The following DOCK3 variants were observed in gnomAD, a reference collection of about 807,000 sequenced individuals.
DOCK3 encodes the protein dedicator of cytokinesis protein 3.
Under a neutral mutation model 265.6 loss-of-function variants are expected in DOCK3, and 60 were observed. The observed-to-expected ratio is 0.23, with a 90% CI of 0.18 to 0.28. DOCK3 has a LOEUF of 0.28. Among genes scored for constraint, DOCK3 ranks in the 10% least tolerant of loss-of-function variants. DOCK3 has a pLI of 1.00. For synonymous variants in DOCK3, 881 were observed against 938.0 expected (o/e 0.94, Z 1.11); for missense variants, 1,981 against 2,594.3 (o/e 0.76, Z 5.14).
At chr3:50,938,650 A>T (rs571294328) in intron 5 of DOCK3, among the ~76,000 whole-genome samples, 5 of 152,194 alleles carry the variant, frequency 3.3e-5, no homozygotes, top group African/African-American at 1.2e-4. Context: ...ACCCACTACT[A>T]AATGATCTGT....
chr3:51,192,143 C>A (rs765680541), intron 12 of DOCK3, among the ~76,000 whole-genome samples: 1 of 151,322 alleles, frequency 6.6e-6, no homozygotes, highest in Admixed American at 6.6e-5. Context: ...AGATCTTAAA[C>A]TTTTTGCCTA....
chr3:50,973,512 C>T (rs2077324545), intron 5 of DOCK3, among the ~76,000 whole-genome samples: 2 of 142,300 alleles, frequency 1.4e-5, no homozygotes, highest in Admixed American at 1.5e-4. Flanking sequence ...TGTATATGTG[C>T]CACATTTTCT....
chr3:50,847,116 A>G (rs568746258), intron 3 of DOCK3, among the ~76,000 whole-genome samples: 1 of 152,118 alleles, frequency 6.6e-6, no homozygotes, highest in Non-Finnish European at 1.5e-5. Context: ...GTTTAGCATT[A>G]TAAACTTGCC....
chr3:50,856,782 T>C (rs1159622875), intron 3 of DOCK3, among the ~76,000 whole-genome samples: 1 of 152,144 alleles, frequency 6.6e-6, no homozygotes, highest in Non-Finnish European at 1.5e-5. Flanking sequence ...GGAGGCATGC[T>C]TTCAACTTTT....
chr3:51,027,181 G>C (rs1036379144), intron 5 of DOCK3, among the ~76,000 whole-genome samples: 10 of 151,602 alleles, frequency 6.6e-5, no homozygotes, highest in African/African-American at 2.2e-4. Flanking sequence ...ATTTTTTTTT[G>C]TTTCTGCCTA....
chr3:51,322,941 T>C (rs1263969895), intron 32 of DOCK3, among the ~76,000 whole-genome samples: 2 of 43,626 alleles, frequency 4.6e-5, no homozygotes, highest in African/African-American at 1.8e-4. Context: ...AGGCTCAAAA[T>C]AGAGGCATGC....
intron 23 of DOCK3, among the ~76,000 whole-genome samples, chr3:51,261,269 CAGA>C (rs2079834346): frequency 6.6e-6 from 1 of 152,008 alleles, no homozygotes; most frequent in East Asian, 2.0e-4. Context: ...GGAGGGCAAG[CAGA>C]AGGAGGGTGG....
At chr3:50,858,624 G>T (rs1041238156) in intron 3 of DOCK3, among the ~76,000 whole-genome samples, 1 of 151,944 alleles carries the variant, frequency 6.6e-6, no homozygotes, top group Non-Finnish European at 1.5e-5. Flanking sequence ...ACAGTTATGT[G>T]TCTTGGGGAT....
intron 43 of DOCK3, 125 bp from the exon 44 acceptor site, chr3:51,356,837 G>T: frequency 8.8e-7 from 1 of 1,137,482 alleles, no homozygotes; most frequent in Non-Finnish European, 1.2e-6. Flanking sequence ...AGGGTCCAGG[G>T]AGTCTCAAGT....
At chr3:51,127,928 TC>T (rs1158963440) in intron 9 of DOCK3, among the ~76,000 whole-genome samples, 2 of 152,216 alleles carry the variant, frequency 1.3e-5, no homozygotes, top group Non-Finnish European at 1.5e-5. Flanking sequence ...TCTCCTGTAT[TC>T]CATGCTTACT....
At chr3:51,010,373 T>G (rs2078894240) in intron 5 of DOCK3, among the ~76,000 whole-genome samples, 1 of 152,212 alleles carries the variant, frequency 6.6e-6, no homozygotes, top group African/African-American at 2.4e-5. Flanking sequence ...CATTATATAA[T>G]AGTCTTCTTT....
chr3:51,248,219 C>T (rs1201705905), intron 22 of DOCK3, among the ~76,000 whole-genome samples: 8 of 152,134 alleles, frequency 5.3e-5, no homozygotes, highest in Non-Finnish European at 1.5e-5. Flanking sequence ...AATGTTGACA[C>T]CAACATTGGC....
intron 7 of DOCK3, among the ~76,000 whole-genome samples, chr3:51,084,284 T>C (rs1160959016): frequency 6.6e-6 from 1 of 152,106 alleles, no homozygotes. Context: ...AAGGTATATA[T>C]ATATAATCAA....
At chr3:51,014,122 G>A (rs2079058983) in intron 5 of DOCK3, among the ~76,000 whole-genome samples, 1 of 152,164 alleles carries the variant, frequency 6.6e-6, no homozygotes, top group Non-Finnish European at 1.5e-5. Flanking sequence ...TGAGCTTCCT[G>A]GGTGGGGCAG....
At chr3:50,877,657 T>TTTCTTTTC in intron 3 of DOCK3, 2 of 357,218 alleles carry the variant, frequency 5.6e-6, no homozygotes, top group South Asian at 4.3e-5. Context: ...CACTTTTTCT[T>TTTCTTTTC]TTCTTTTCTT....
intron 2 of DOCK3, among the ~76,000 whole-genome samples, chr3:50,809,579 A>G (rs1363536978): frequency 6.6e-6 from 1 of 152,242 alleles, no homozygotes; most frequent in Non-Finnish European, 1.5e-5. Flanking sequence ...TGAACCCAAC[A>G]GCAAAATACC....
At chr3:51,316,385 A>T (rs1455043567) in intron 32 of DOCK3, among the ~76,000 whole-genome samples, 1 of 152,152 alleles carries the variant, frequency 6.6e-6, no homozygotes, top group Admixed American at 6.5e-5. Flanking sequence ...CATTTGGGTT[A>T]TTTCCTCTTT....
intron 5 of DOCK3, among the ~76,000 whole-genome samples, chr3:51,044,435 G>A (rs181305530): frequency 3.3e-5 from 5 of 152,212 alleles, no homozygotes; most frequent in African/African-American, 9.6e-5. Flanking sequence ...TTCAGAGGAT[G>A]GAGGGTAGGA....
Position 51,381,018 on chromosome 3 carries a change from G to A in DOCK3, c.5584-32G>A, listed in dbSNP as rs1553618361. ...GGCAAGTCAGCCTGTCTGGAGAGAG[G>A]GATTCTAACATGCCCACCCTTTCCT... On this transcript the variant is annotated intron_variant, in intron 52 of 52. Coordinates refer to ENST00000266037, the MANE Select transcript of DOCK3 (RefSeq NM_004947.5). This position sits in a 1 kb window ranked among gnomAD's most constrained non-coding sequence, Gnocchi z 5.6. The A allele has an allele frequency of 1.3e-6, 2 of 1,550,878 alleles. No homozygotes were observed. The highest frequency in any genetic ancestry group is 2.4e-5 in the South Asian group (2 of 82,166).
Sources: allele counts gnomAD v4.1 joint callset (sites outside exome capture counted in the v4.1 genomes callset), GRCh38; gene constraint gnomAD v4.1.1; non-coding constraint Gnocchi (gnomAD v3.1); transcripts MANE v1.5; gene names NCBI Gene and HGNC (gene_info 2026-07-23, HGNC 2026-07-21).